The following ATG10 variants were observed in gnomAD, a reference collection of about 807,000 sequenced individuals.
ATG10 encodes ubiquitin-like-conjugating enzyme ATG10.
A neutral mutation model predicts 32.1 loss-of-function variants in ATG10; 30 were observed. The ratio of observed to expected loss-of-function variants is 0.94; its 90% CI spans 0.70 to 1.27. The LOEUF is 1.27. Ranked by LOEUF, ATG10 falls within the 50% of genes most tolerant of loss-of-function variation. The pLI is 0.00. For synonymous variants in ATG10, 87 were observed against 91.5 expected, an observed-to-expected ratio of 0.95 and a Z score of 0.28; for missense variants, 233 against 262.3, an observed-to-expected ratio of 0.89 and a Z score of 0.77.
At chr5:81,999,685 A>G (rs887386912) in intron 2 of ATG10, among the ~76,000 whole-genome samples, 2 of 152,184 alleles carry the variant, frequency 1.3e-5, no homozygotes, top group African/African-American at 4.8e-5. Flanking sequence ...ACAGAGTCAG[A>G]AATGACAAAG....
At chr5:82,026,708 T>G (rs911280181) in intron 2 of ATG10, among the ~76,000 whole-genome samples, 5 of 152,204 alleles carry the variant, frequency 3.3e-5, no homozygotes. Context: ...AAAAATCATG[T>G]AATAATTCAA....
chr5:81,980,858 G>T (rs1204636050), intron 1 of ATG10, among the ~76,000 whole-genome samples: 1 of 152,124 alleles, frequency 6.6e-6, no homozygotes, highest in Non-Finnish European at 1.5e-5. Context: ...GAGGGGAGGG[G>T]CAACTCAGGA....
In ATG10 at chr5:82,011,178, A is replaced by G. The variant is rs77069412; in HGVS notation, c.108+23500A>G. ...CTGAGCTGATCATTTTTTGCCCTCAATATCCACTGCTCCTTCTGAATTCTT... is the reference window on the plus strand; with the variant it reads ...CTGAGCTGATCATTTTTTGCCCTCAGTATCCACTGCTCCTTCTGAATTCTT... On this transcript the variant is annotated intron_variant, in intron 2 of 7. Coordinates refer to ENST00000282185, the MANE Select transcript of ATG10 (RefSeq NM_031482.5). Among the ~76,000 whole-genome samples the G allele has an allele frequency of 9.3e-4, 142 of 152,248 alleles. 2 individuals are homozygous for G. In the East Asian group the frequency reaches 0.021, roughly 22 times the overall value.
At chr5:82,241,413 T>C (rs1160959761) in intron 5 of ATG10, among the ~76,000 whole-genome samples, 1 of 152,194 alleles carries the variant, frequency 6.6e-6, no homozygotes, top group Non-Finnish European at 1.5e-5. Context: ...TTGTTCAGAA[T>C]CTTCCAAACT....
chr5:82,053,480 C>T (rs958433548), intron 2 of ATG10, among the ~76,000 whole-genome samples: 24 of 151,964 alleles, frequency 1.6e-4, no homozygotes, highest in Non-Finnish European at 2.4e-4. Context: ...CGTTGCATGC[C>T]GTAGAATTTA....
At chr5:82,121,616 T>C (rs1766042030) in intron 3 of ATG10, among the ~76,000 whole-genome samples, 1 of 152,204 alleles carries the variant, frequency 6.6e-6, no homozygotes, top group South Asian at 2.1e-4. Flanking sequence ...ATGGCCCTTA[T>C]TAATTTGAGG....
intron 3 of ATG10, among the ~76,000 whole-genome samples, chr5:82,125,822 G>A (rs1237184041): frequency 2.6e-5 from 4 of 152,142 alleles, no homozygotes; most frequent in African/African-American, 9.7e-5. Flanking sequence ...AAAGTCACTG[G>A]TAGCTTGATG....
chr5:82,031,412 TAAG>T (rs1354603114), intron 2 of ATG10, among the ~76,000 whole-genome samples: 5 of 152,134 alleles, frequency 3.3e-5, no homozygotes, highest in Non-Finnish European at 7.4e-5. Context: ...CAACACCAGA[TAAG>T]AAGGGTAACT....
intron 5 of ATG10, among the ~76,000 whole-genome samples, chr5:82,233,452 A>G (rs577620167): frequency 1.3e-5 from 2 of 152,338 alleles, no homozygotes; most frequent in African/African-American, 4.8e-5. Flanking sequence ...CGTTTATATT[A>G]TATTTGTGTG....
intron 1 of ATG10, among the ~76,000 whole-genome samples, chr5:81,974,888 A>G (rs747485046): frequency 3.9e-5 from 6 of 152,148 alleles, no homozygotes; most frequent in South Asian, 2.1e-4. Context: ...CCTCATTTCA[A>G]TCTGTTCCAA....
At chr5:81,973,317 A>G (rs1363724678) in intron 1 of ATG10, 1 of 152,174 alleles carries the variant, frequency 6.6e-6, no homozygotes, top group Non-Finnish European at 1.5e-5. Flanking sequence ...TTTAGTAGAG[A>G]CGGGGTTTCA....
intron 2 of ATG10, among the ~76,000 whole-genome samples, chr5:82,056,428 G>C (rs1204868197): frequency 7.5e-6 from 1 of 133,924 alleles, no homozygotes; most frequent in African/African-American, 2.8e-5. Flanking sequence ...ATGGCTGCCA[G>C]GTTTTTTTTT....
chr5:82,116,728 T>C (rs922888720), intron 3 of ATG10, among the ~76,000 whole-genome samples: 4 of 152,134 alleles, frequency 2.6e-5, no homozygotes, highest in African/African-American at 9.7e-5. Flanking sequence ...AGGATTCCAA[T>C]GTCTTCAAGC....
At chr5:82,243,835 T>C (rs1180527217) in intron 5 of ATG10, among the ~76,000 whole-genome samples, 6 of 152,144 alleles carry the variant, frequency 3.9e-5, no homozygotes, top group Non-Finnish European at 7.4e-5. Context: ...ACACTGAAGA[T>C]TACATATACT....
intron 5 of ATG10, among the ~76,000 whole-genome samples, chr5:82,200,671 TTTAAA>T (rs1745035039): frequency 6.6e-6 from 1 of 150,964 alleles, no homozygotes; most frequent in South Asian, 2.1e-4. Context: ...TTGGATTTTT[TTTAAA>T]TTAGATTCTT....
At chr5:81,994,511 A>G (rs1490550781) in intron 2 of ATG10, among the ~76,000 whole-genome samples, 1 of 152,186 alleles carries the variant, frequency 6.6e-6, no homozygotes, top group Non-Finnish European at 1.5e-5. Context: ...TTTAGAGAGG[A>G]CTGTGGTGAA....
At chr5:82,152,509 T>C (rs184311772) in intron 3 of ATG10, among the ~76,000 whole-genome samples, 1 of 152,330 alleles carries the variant, frequency 6.6e-6, no homozygotes, top group Non-Finnish European at 1.5e-5. Context: ...TTTCTGCAAC[T>C]TTATTCAATC....
At chr5:82,089,544 A>G (rs1434754608) in intron 3 of ATG10, among the ~76,000 whole-genome samples, 2 of 152,216 alleles carry the variant, frequency 1.3e-5, no homozygotes, top group South Asian at 2.1e-4. Flanking sequence ...ACAAACACAA[A>G]CAAAGAAACA....
chr5:82,206,759 C>T (rs1030840833), intron 5 of ATG10, among the ~76,000 whole-genome samples: 1 of 151,996 alleles, frequency 6.6e-6, no homozygotes, highest in Non-Finnish European at 1.5e-5. Context: ...AGAAACAGAA[C>T]ATTTGTAAAA....
Sources: allele counts gnomAD v4.1 joint callset (sites outside exome capture counted in the v4.1 genomes callset), GRCh38; gene constraint gnomAD v4.1.1; transcripts MANE v1.5; gene names NCBI Gene and HGNC (gene_info 2026-07-23, HGNC 2026-07-21).